Variants in YY1 observed in about 807,000 individuals in gnomAD.
YY1 encodes YY1 transcription factor.
Under a neutral mutation model 35.6 loss-of-function variants are expected in YY1, and 2 were observed. The ratio of observed to expected loss-of-function variants is 0.06; its 90% confidence interval spans 0.02 to 0.18. YY1 has a LOEUF of 0.18. Ranked by LOEUF, YY1 falls within the 10% of genes least tolerant of loss-of-function variation. The pLI, the probability that YY1 is intolerant of heterozygous loss-of-function variation, is 1.00. For missense variants in YY1, 322 were observed against 573.4 expected (o/e 0.56, Z 4.48); for synonymous variants, 268 against 238.9 (o/e 1.12, Z -1.12).
intron 1 of YY1, among the ~76,000 whole-genome samples, chr14:100,247,474 T>A (rs1226466255): frequency 6.6e-6 from 1 of 151,714 alleles, no homozygotes; most frequent in Admixed American, 6.6e-5. Flanking sequence ...CTCGACCTCC[T>A]GGGCTCAAGC....
At chr14:100,245,868 AAG>A (rs1177420333) in intron 1 of YY1, among the ~76,000 whole-genome samples, 1 of 152,122 alleles carries the variant, frequency 6.6e-6, no homozygotes, top group African/African-American at 2.4e-5. Flanking sequence ...CAGCCTCCCA[AAG>A]TGCTGGGATT....
chr14:100,277,769 C>CT lies in YY1; in HGVS notation c.*172dup. 1 of 722,154 alleles carries CT rather than the reference C, an allele frequency of 1.4e-6. No homozygotes were observed. Among genetic ancestry groups the CT allele is most frequent in the Non-Finnish European group, 2.2e-6 (1 of 449,282 alleles). 44.7% of individuals were successfully genotyped at this position (722,154 alleles called of 1,614,324 possible). A position where few individuals can be genotyped will look rare whatever the true frequency, so the allele number is the denominator to read the frequency against. ...AGTAGTAAAAATTAAAAAAAAAAAA[C>CT]TTTACTAAGATGACATTGCTAAGAT... On this transcript the variant is annotated 3_prime_UTR_variant, in exon 5 of 5. Transcript: ENST00000262238. The surrounding 1 kb of genome is among the most constrained non-coding windows in gnomAD (Gnocchi z 5.6).
chr14:100,271,818 AT>A (rs1373037019), intron 2 of YY1, among the ~76,000 whole-genome samples: 4 of 151,764 alleles, frequency 2.6e-5, no homozygotes, highest in Non-Finnish European at 4.4e-5. Context: ...CTAACTTTTT[AT>A]TTTTTTTAGA....
intron 1 of YY1, among the ~76,000 whole-genome samples, chr14:100,254,180 C>T (rs188609232): frequency 6.6e-6 from 1 of 152,182 alleles, no homozygotes; most frequent in African/African-American, 2.4e-5. Context: ...TACATATGGC[C>T]TGTAATGTAA....
chr14:100,282,385 A>G lies in YY1; in HGVS notation c.*4785A>G, dbSNP rs1891451450. On this transcript the variant is annotated 3_prime_UTR_variant, in exon 5 of 5. Transcript: ENST00000262238. ...CTGCTGCTCTCTCTGGGGGCCGCAC[A>G]ATGTCCGCACACATCACGGAGGGGA... The G allele has an allele frequency of 6.6e-6, 1 of 152,106 alleles. No individual in the cohort carries two copies. Among genetic ancestry groups the G allele is most frequent in the Non-Finnish European group, 1.5e-5 (1 of 68,054 alleles). 9.4% of individuals were successfully genotyped at this position (152,106 alleles called of 1,614,324 possible).
chr14:100,260,620 C>A (rs1250438749), intron 1 of YY1, among the ~76,000 whole-genome samples: 1 of 150,876 alleles, frequency 6.6e-6, no homozygotes, highest in Non-Finnish European at 1.5e-5. Context: ...CTACAGGTGC[C>A]CGCCACCACG....
At chr14:100,269,931 G>T (rs1439043755) in intron 2 of YY1, among the ~76,000 whole-genome samples, 1 of 152,008 alleles carries the variant, frequency 6.6e-6, no homozygotes, top group Admixed American at 6.6e-5. Context: ...CTTTACTTTG[G>T]GGGCGTATTT....
At chr14:100,267,741 C>G (rs146486461) in intron 2 of YY1, among the ~76,000 whole-genome samples, 290 of 152,284 alleles carry the variant, frequency 1.9e-3, no homozygotes, top group Non-Finnish European at 3.2e-3. Context: ...CCAAGATGGT[C>G]TCGATCTCTC....
intron 1 of YY1, among the ~76,000 whole-genome samples, chr14:100,248,551 GCTATT>G (rs1225229637): frequency 6.6e-6 from 1 of 152,074 alleles, no homozygotes; most frequent in Non-Finnish European, 1.5e-5. Context: ...GAGTGCACTG[GCTATT>G]CACAGGTGTG....
rs146809790 is a variant in YY1, at chr14:100,277,423, G to A, written c.1068G>A (p.Thr356=). 2.6e-5 allele frequency: 42 copies of A among 1,614,190 alleles called. No homozygotes were observed. In the African/African-American group the frequency reaches 3.2e-4, roughly 12 times the overall value. Residue 356 remains threonine (T), a synonymous_variant, in exon 5 of 5, where the codon ACG becomes ACA. Transcript: ENST00000262238. This position sits in a 1 kb window ranked among gnomAD's most constrained non-coding sequence, Gnocchi z 5.6. The part of the protein sequence containing the change: ...VHTGEKPFQC[T]FEGCGKRFSL... The stretch of plus-strand genomic sequence containing the variant: ...CTCTGGTCTTTCCTTGACAGTGCAC[G>A]TTCGAAGGCTGTGGGAAACGCTTTT...
Position 100,276,280 on chromosome 14 carries a change from A to T in YY1, c.904-210A>T. 1 of 639,522 alleles carries T rather than the reference A, an allele frequency of 1.6e-6. No individual in the cohort carries two copies. The highest frequency in any genetic ancestry group is 2.6e-6 in the Non-Finnish European group (1 of 383,758). 39.6% of individuals were successfully genotyped at this position (639,522 alleles called of 1,614,324 possible). On this transcript the variant is annotated intron_variant, in intron 3 of 4. Coordinates refer to ENST00000262238, the MANE Select transcript of YY1 (RefSeq NM_003403.5). The surrounding 1 kb of genome is among the most constrained non-coding windows in gnomAD (Gnocchi z 4.1). ...TCTAAGCCTCAGTTTCCTCATCTGT[A>T]AAACTAGGGTTTGCATTGAATGATG...
chr14:100,241,625 A>T (rs984041474), intron 1 of YY1, among the ~76,000 whole-genome samples: 1 of 152,224 alleles, frequency 6.6e-6, no homozygotes, highest in African/African-American at 2.4e-5. Flanking sequence ...TCAAAAGATA[A>T]TTTCCATGTA....
chr14:100,249,100 ATTTTTTTTT>A (rs60088505), intron 1 of YY1, among the ~76,000 whole-genome samples: 24 of 46,832 alleles, frequency 5.1e-4, no homozygotes, highest in Middle Eastern at 0.021. Context: ...TTCTCGTGTA[ATTTTTTTTT>A]TTTTTTTTTT....
chr14:100,262,512 G>C, intron 2 of YY1, 46 bp downstream of exon 2: 1 of 1,595,436 alleles, frequency 6.3e-7, no homozygotes, highest in Non-Finnish European at 8.6e-7. Context: ...GAAAGTGCTT[G>C]AGTCTTGCCA....
At chr14:100,249,760 G>GGTT (rs1890895699) in intron 1 of YY1, among the ~76,000 whole-genome samples, 1 of 143,012 alleles carries the variant, frequency 7.0e-6, no homozygotes, top group Non-Finnish European at 1.5e-5. Context: ...TTTTTTTTTT[G>GGTT]TTTGTTTTTG....
At chr14:100,270,113 A>G in intron 2 of YY1, among the ~76,000 whole-genome samples, 1 of 151,618 alleles carries the variant, frequency 6.6e-6, no homozygotes, top group African/African-American at 2.4e-5. Flanking sequence ...ATACAAAAAA[A>G]TTAGCCTGGT....
intron 2 of YY1, among the ~76,000 whole-genome samples, chr14:100,263,296 C>G (rs1418473040): frequency 6.6e-6 from 1 of 152,214 alleles, no homozygotes; most frequent in Admixed American, 6.5e-5. Context: ...CAGCTGACCA[C>G]TGGAAAGGAT....
chr14:100,241,723 C>T (rs953366304), intron 1 of YY1, among the ~76,000 whole-genome samples: 7 of 152,118 alleles, frequency 4.6e-5, no homozygotes, highest in African/African-American at 1.7e-4. Context: ...GCCTGTAATC[C>T]CAGCAGTTTG....
At position 100,259,048 on chromosome 14, in the gene YY1, A is replaced by T. The variant is rs78679996; in HGVS notation, c.680-3256A>T. Among the ~76,000 whole-genome samples, 177 of 152,354 alleles carry T rather than the reference A, an allele frequency of 1.2e-3. 1 individual carries two copies. Among genetic ancestry groups the T allele is most frequent in the African/African-American group, 3.9e-3 (162 of 41,584 alleles). On this transcript the variant is annotated intron_variant, in intron 1 of 4. Transcript: ENST00000262238. ...TGATTTTTAACACTGGTGGAAAGGT[A>T]ATTCAAGGTAAAAGTTGAAGCCAGT...
Sources: allele counts gnomAD v4.1 joint callset (sites outside exome capture counted in the v4.1 genomes callset), GRCh38; gene constraint gnomAD v4.1.1; non-coding constraint Gnocchi (gnomAD v3.1); transcripts MANE v1.5; gene names NCBI Gene and HGNC (gene_info 2026-07-23, HGNC 2026-07-21).